GPC6: variants seen among roughly 807,000 people sequenced by gnomAD.
GPC6 encodes the protein glypican 6.
GPC6 carries 14 observed loss-of-function variants against 55.2 expected under a neutral mutation model. The observed-to-expected ratio is 0.25, with a 90% CI of 0.17 to 0.40. The LOEUF is 0.40. Among genes scored for constraint, GPC6 ranks in the 10% least tolerant of loss-of-function variants. The pLI is 1.00. For synonymous variants in GPC6, 278 were observed against 259.6 expected (o/e 1.07, Z -0.68); for missense variants, 641 against 708.5 (o/e 0.90, Z 1.08).
At chr13:93,404,243 A>G (rs941115869) in intron 1 of GPC6, among the ~76,000 whole-genome samples, 1 of 152,144 alleles carries the variant, frequency 6.6e-6, no homozygotes, top group Non-Finnish European at 1.5e-5. Flanking sequence ...GGGATTTGAT[A>G]TATTTTGGGG....
chr13:94,193,525 G>A (rs1394205711), intron 4 of GPC6, among the ~76,000 whole-genome samples: 1 of 152,266 alleles, frequency 6.6e-6, no homozygotes, highest in East Asian at 1.9e-4. Flanking sequence ...TGCTCTTCGA[G>A]TGTGCTGTAG....
chr13:94,320,904 T>A (rs1876788127), intron 6 of GPC6, among the ~76,000 whole-genome samples: 1 of 152,134 alleles, frequency 6.6e-6, no homozygotes, highest in Non-Finnish European at 1.5e-5. Context: ...CAACTCTGAG[T>A]TAAGATTGTT....
intron 3 of GPC6, among the ~76,000 whole-genome samples, chr13:93,907,798 T>G (rs1876751801): frequency 2.0e-5 from 3 of 152,150 alleles, no homozygotes; most frequent in Admixed American, 2.0e-4. Flanking sequence ...AATTTGCTGT[T>G]TAATCATATT....
intron 4 of GPC6, among the ~76,000 whole-genome samples, chr13:94,058,539 T>G (rs1204767266): frequency 6.6e-6 from 1 of 152,072 alleles, no homozygotes; most frequent in Non-Finnish European, 1.5e-5. Flanking sequence ...GCCCCCTAGG[T>G]GGTTACAATC....
intron 3 of GPC6, among the ~76,000 whole-genome samples, chr13:94,021,120 T>C (rs1882677220): frequency 6.6e-6 from 1 of 152,118 alleles, no homozygotes; most frequent in Admixed American, 6.6e-5. Flanking sequence ...AAAGGACATT[T>C]AGAATGTATT....
intron 3 of GPC6, among the ~76,000 whole-genome samples, chr13:93,847,458 G>A (rs142917592): frequency 2.6e-4 from 39 of 152,246 alleles, no homozygotes; most frequent in African/African-American, 9.4e-4. Context: ...GTAGATTTGA[G>A]GGTGTTTCAC....
chr13:94,268,256 T>G (rs190872010), intron 4 of GPC6, among the ~76,000 whole-genome samples: 3 of 152,208 alleles, frequency 2.0e-5, no homozygotes, highest in Non-Finnish European at 4.4e-5. Context: ...AATATTTACA[T>G]GCAGCATTTA....
chr13:93,563,902 G>A (rs1472938448), intron 2 of GPC6, among the ~76,000 whole-genome samples: 1 of 152,010 alleles, frequency 6.6e-6, no homozygotes, highest in Non-Finnish European at 1.5e-5. Context: ...ATTTCAATAG[G>A]TTTTTGGGGA....
chr13:94,271,707 G>A (rs1358904559), intron 4 of GPC6, among the ~76,000 whole-genome samples: 1 of 152,110 alleles, frequency 6.6e-6, no homozygotes, highest in South Asian at 2.1e-4. Flanking sequence ...CAAAAGATGT[G>A]TCTCTCTCAT....
chr13:93,741,482 G>A (rs368684983), intron 2 of GPC6, among the ~76,000 whole-genome samples: 9 of 152,220 alleles, frequency 5.9e-5, no homozygotes, highest in African/African-American at 2.2e-4. Context: ...ATCCTTGTTA[G>A]AATGTGGTCT....
intron 2 of GPC6, among the ~76,000 whole-genome samples, chr13:93,773,918 T>C (rs1885380543): frequency 6.6e-6 from 1 of 152,168 alleles, no homozygotes; most frequent in African/African-American, 2.4e-5. Flanking sequence ...CAGTACGTAG[T>C]GCCCAATAGA....
chr13:93,710,692 C>T (rs1398545783), intron 2 of GPC6, among the ~76,000 whole-genome samples: 2 of 146,316 alleles, frequency 1.4e-5, no homozygotes, highest in African/African-American at 5.2e-5. Context: ...TTAAAGTCCC[C>T]CCCCCCAAAA....
At chr13:93,472,986 C>A (rs1270936991) in intron 1 of GPC6, among the ~76,000 whole-genome samples, 2 of 152,166 alleles carry the variant, frequency 1.3e-5, no homozygotes, top group East Asian at 3.9e-4. Context: ...TAGCTCCTCC[C>A]TGTAGCTAGT....
intron 1 of GPC6, among the ~76,000 whole-genome samples, chr13:93,509,662 A>G (rs1291634438): frequency 1.3e-5 from 2 of 152,224 alleles, no homozygotes; most frequent in Non-Finnish European, 2.9e-5. Context: ...CAAACATGAG[A>G]GCCCTCACCG....
chr13:93,835,579 C>A (rs1393604160), intron 3 of GPC6, among the ~76,000 whole-genome samples: 1 of 152,066 alleles, frequency 6.6e-6, no homozygotes. Flanking sequence ...ATGGAGAAAC[C>A]CTGTCTCTAC....
chr13:93,335,640 C>T (rs1277857535), intron 1 of GPC6, among the ~76,000 whole-genome samples: 2 of 152,120 alleles, frequency 1.3e-5, no homozygotes, highest in Admixed American at 6.6e-5. Flanking sequence ...GCTTATCTAA[C>T]GTGAATGACT....
At chr13:93,832,900 G>A (rs1887573420) in intron 3 of GPC6, among the ~76,000 whole-genome samples, 1 of 152,114 alleles carries the variant, frequency 6.6e-6, no homozygotes, top group Non-Finnish European at 1.5e-5. Context: ...ATTGCTGTGG[G>A]CATGGAATAT....
At chr13:94,162,701 G>C (rs1248786350) in intron 4 of GPC6, among the ~76,000 whole-genome samples, 1 of 152,032 alleles carries the variant, frequency 6.6e-6, no homozygotes, top group Non-Finnish European at 1.5e-5. Context: ...TTAGGAATTT[G>C]GGTCAAATTT....
intron 2 of GPC6, among the ~76,000 whole-genome samples, chr13:93,622,506 A>G (rs368225898): frequency 4.2e-5 from 2 of 48,022 alleles, no homozygotes; most frequent in Non-Finnish European, 1.6e-4. Context: ...AAGCATATAC[A>G]CACCCACACA....
Sources: allele counts gnomAD v4.1 joint callset (sites outside exome capture counted in the v4.1 genomes callset), GRCh38; gene constraint gnomAD v4.1.1; transcripts MANE v1.5; gene names NCBI Gene and HGNC (gene_info 2026-07-23, HGNC 2026-07-21).